Variants in CCDC146 observed in about 807,000 individuals in gnomAD.
The protein encoded by CCDC146 is coiled-coil domain containing 146.
A neutral mutation model predicts 119.3 loss-of-function variants in CCDC146; 92 were observed. That is an observed-to-expected ratio of 0.77 (90% CI 0.65 to 0.92). The LOEUF is 0.92. CCDC146 is among the 40% of genes least tolerant of loss of function. The pLI is 0.00. For synonymous variants in CCDC146, 372 were observed against 371.8 expected, an observed-to-expected ratio of 1.00 and a Z score of -0.01; for missense variants, 1,000 against 1,103.0, an observed-to-expected ratio of 0.91 and a Z score of 1.32.
intron 2 of CCDC146, among the ~76,000 whole-genome samples, chr7:77,230,494 A>G (rs951266750): frequency 2.3e-3 from 350 of 149,336 alleles, no homozygotes; most frequent in African/African-American, 8.1e-3. Flanking sequence ...GTTGACAGGT[A>G]TGTGTGTGTG....
At chr7:77,263,209 G>T (rs1040285123) in intron 9 of CCDC146, among the ~76,000 whole-genome samples, 1 of 152,138 alleles carries the variant, frequency 6.6e-6, no homozygotes, top group Admixed American at 6.5e-5. Flanking sequence ...CTTTGCAGTT[G>T]AGCAGAGTCA....
At chr7:77,179,467 T>A (rs1584045951) in intron 2 of CCDC146, among the ~76,000 whole-genome samples, 1 of 140,012 alleles carries the variant, frequency 7.1e-6, no homozygotes, top group African/African-American at 3.1e-5. Flanking sequence ...ATATACACAC[T>A]GTTTTTTTCA....
chr7:77,194,835 T>C (rs1395588274), intron 2 of CCDC146: 2 of 152,132 alleles, frequency 1.3e-5, no homozygotes, highest in Admixed American at 6.5e-5. Flanking sequence ...TTTACGATGA[T>C]GAAATTAAAC....
chr7:77,259,557 T>G (rs1209615375), intron 7 of CCDC146, among the ~76,000 whole-genome samples: 1 of 152,160 alleles, frequency 6.6e-6, no homozygotes, highest in Non-Finnish European at 1.5e-5. Context: ...GATAAAGATT[T>G]TAAGTGAAGA....
At chr7:77,185,420 T>A (rs1257304720) in intron 2 of CCDC146, among the ~76,000 whole-genome samples, 2 of 152,124 alleles carry the variant, frequency 1.3e-5, no homozygotes, top group African/African-American at 4.8e-5. Flanking sequence ...AGTGATATGG[T>A]TTGGCTGTGA....
Position 77,295,016 on chromosome 7 carries a change from A to ATT in CCDC146, c.*152_*153dup. ...AGCAACAGAGTACAACAGGGTTTCT[A>ATT]TTTACCCACCAACTACTATACCTTT... is the stretch of plus-strand genomic sequence containing the variant. On this transcript the variant is annotated 3_prime_UTR_variant, in exon 19 of 19. Transcript: ENST00000285871. The ATT allele has an allele frequency of 3.1e-6, 2 of 636,598 alleles. No homozygotes were observed. Among genetic ancestry groups the ATT allele is most frequent in the Non-Finnish European group, 5.4e-6 (2 of 369,572 alleles). 39.4% of individuals were successfully genotyped at this position (636,598 alleles called of 1,614,324 possible). A position where few individuals can be genotyped will look rare whatever the true frequency, so the allele number is the denominator to read the frequency against.
intron 1 of CCDC146, among the ~76,000 whole-genome samples, chr7:77,158,709 G>A (rs1330942295): frequency 6.6e-6 from 1 of 151,790 alleles, no homozygotes; most frequent in African/African-American, 2.4e-5. Context: ...TAGTAGAGAC[G>A]GGGTTTCACC....
At chr7:77,214,962 G>A (rs1792268908) in intron 2 of CCDC146, among the ~76,000 whole-genome samples, 1 of 151,976 alleles carries the variant, frequency 6.6e-6, no homozygotes, top group South Asian at 2.1e-4. Context: ...ACTTGCCTGG[G>A]TCTATTAATT....
chr7:77,127,770 T>C (rs1405755170), intron 1 of CCDC146, among the ~76,000 whole-genome samples: 1 of 152,096 alleles, frequency 6.6e-6, no homozygotes, highest in Non-Finnish European at 1.5e-5. Context: ...CTTTTGGAGC[T>C]CTCATTTAGA....
chr7:77,140,084 G>A (rs1369224067), intron 1 of CCDC146, among the ~76,000 whole-genome samples: 1 of 151,722 alleles, frequency 6.6e-6, no homozygotes, highest in African/African-American at 2.4e-5. Flanking sequence ...TAGCAGAGAC[G>A]AGGTTTCACC....
Position 77,267,331 on chromosome 7 carries a change from T to A in CCDC146, c.1173+5024T>A, listed in dbSNP as rs370045713. ...GATTCTGAGGCCCAGTGCTGACTTG[T>A]CAGATAGAAGCTCTGTAGTTGATTG... On this transcript the variant is annotated intron_variant, in intron 9 of 18. Transcript: ENST00000285871. 1.4e-4 allele frequency among the ~76,000 whole-genome samples: 22 copies of A among 152,216 alleles called. No homozygotes were observed. The East Asian group carries it at 2.9e-3, about 20-fold the overall frequency.
chr7:77,146,392 T>C (rs1182859050), intron 1 of CCDC146, among the ~76,000 whole-genome samples: 1 of 152,196 alleles, frequency 6.6e-6, no homozygotes, highest in South Asian at 2.1e-4. Flanking sequence ...TGTCTTTTAA[T>C]TGGAGCACTT....
Position 77,150,464 on chromosome 7 carries a change from A to G in CCDC146, c.-11-17194A>G, listed in dbSNP as rs371715073. ...AAAGAAGTGTATGAAAAGATATTCA[A>G]CATAGTAATGCCATTTTGGAAATGC... On this transcript the variant is annotated intron_variant, in intron 1 of 18. Transcript: ENST00000285871. 3.9e-5 allele frequency among the ~76,000 whole-genome samples: 6 copies of G among 152,234 alleles called. No homozygotes were observed. The East Asian group carries it at 5.8e-4, about 15-fold the overall frequency.
chr7:77,254,831 T>A (rs771602055), intron 5 of CCDC146, among the ~76,000 whole-genome samples: 16 of 152,222 alleles, frequency 1.1e-4, no homozygotes, highest in Non-Finnish European at 2.1e-4. Context: ...AAAAAAAGAT[T>A]CTGTGGTTGA....
Position 77,220,669 on chromosome 7 carries a change from C to A in CCDC146, c.157-16278C>A, listed in dbSNP as rs190227747. 4.2e-3 allele frequency among the ~76,000 whole-genome samples: 633 copies of A among 152,224 alleles called. 3 individuals are homozygous for A. In the Middle Eastern group the frequency reaches 0.065, roughly 16 times the overall value. On this transcript the variant is annotated intron_variant, in intron 2 of 18. Coordinates refer to ENST00000285871, the MANE Select transcript of CCDC146 (RefSeq NM_020879.3). The stretch of plus-strand genomic sequence containing the variant: ...ATTTAGTTATTTTTAAACTTCTATT[C>A]TTTTGCTCACCAAAAAGTGTTTGTT...
intron 1 of CCDC146, among the ~76,000 whole-genome samples, chr7:77,123,106 G>A (rs1211127662): frequency 2.0e-5 from 3 of 149,284 alleles, no homozygotes; most frequent in African/African-American, 7.5e-5. Context: ...CCAAATTACC[G>A]TGTAAAGTAC....
chr7:77,249,181 G>A lies in CCDC146; in HGVS notation c.450-5325G>A, dbSNP rs184703738. 3.9e-4 allele frequency among the ~76,000 whole-genome samples: 60 copies of A among 152,212 alleles called. 3 individuals carry two copies. The East Asian group carries it at 0.011, about 29-fold the overall frequency. On this transcript the variant is annotated intron_variant, in intron 4 of 18. Coordinates refer to ENST00000285871, the MANE Select transcript of CCDC146 (RefSeq NM_020879.3). The stretch of plus-strand genomic sequence containing the variant: ...GCCTCATGTATTTTGATGTTCTGTT[G>A]TTAGGTGCAAATATATTAAGAATCC...
chr7:77,223,694 A>G (rs1463266664), intron 2 of CCDC146, among the ~76,000 whole-genome samples: 1 of 152,256 alleles, frequency 6.6e-6, no homozygotes, highest in Non-Finnish European at 1.5e-5. Flanking sequence ...AATTCTTTTA[A>G]CTGCATCATT....
chr7:77,243,901 C>T (rs1289588857), intron 4 of CCDC146, among the ~76,000 whole-genome samples: 1 of 152,086 alleles, frequency 6.6e-6, no homozygotes, highest in African/African-American at 2.4e-5. Context: ...TGTTTTGAGA[C>T]AGAGTCGTGC....
Sources: gnomAD v4.1 joint callset for allele counts (sites outside exome capture counted in the v4.1 genomes callset) on GRCh38, gnomAD v4.1.1 for gene constraint, MANE v1.5 for transcripts, NCBI Gene and HGNC (gene_info 2026-07-23, HGNC 2026-07-21) for gene names.